Variants in HDAC9 observed in about 807,000 individuals in gnomAD.
HDAC9 encodes the protein histone deacetylase 9.
In HDAC9, 41 loss-of-function variants were observed where a neutral mutation model predicts 139.4. That is an observed-to-expected ratio of 0.29 (90% CI 0.23 to 0.38). HDAC9 has a LOEUF of 0.38. Ranked by LOEUF, HDAC9 falls within the 10% of genes least tolerant of loss-of-function variation. HDAC9 has a pLI of 1.00. For synonymous variants in HDAC9, 517 were observed against 476.2 expected (o/e 1.09, Z -1.12); for missense variants, 1,147 against 1,297.0 (o/e 0.88, Z 1.78).
chr7:18,500,792 C>T (rs775537091), intron 2 of HDAC9, among the ~76,000 whole-genome samples: 4 of 151,862 alleles, frequency 2.6e-5, no homozygotes, highest in Admixed American at 6.6e-5. Context: ...TGGAATTAGA[C>T]GTCTTAGTAT....
chr7:18,614,216 T>C (rs1837969320), intron 6 of HDAC9, among the ~76,000 whole-genome samples: 1 of 152,152 alleles, frequency 6.6e-6, no homozygotes, highest in African/African-American at 2.4e-5. Context: ...TTCAACCTTT[T>C]CATAGACTTC....
intron 22 of HDAC9, among the ~76,000 whole-genome samples, chr7:18,880,039 C>T (rs1799613226): frequency 6.6e-6 from 1 of 151,978 alleles, no homozygotes. Context: ...TATATGCAGC[C>T]AACAAGCATA....
Position 18,623,904 on chromosome 7 carries a change from A to T in HDAC9, c.665-5446A>T, listed in dbSNP as rs1044686105. Among the ~76,000 whole-genome samples, 56 of 152,142 alleles carry T rather than the reference A, an allele frequency of 3.7e-4. 1 individual carries two copies. The highest frequency in any genetic ancestry group is 3.7e-3 in the Admixed American group (56 of 15,280). ...CAGTGAGCCAAGATCACGGCACTGC[A>T]TTCCAGCATGGGCGACAGAGCAAGA... On this transcript the variant is annotated intron_variant, in intron 6 of 25. Transcript: ENST00000686413.
At chr7:18,800,230 A>G (rs561448671) in intron 17 of HDAC9, among the ~76,000 whole-genome samples, 6 of 152,338 alleles carry the variant, frequency 3.9e-5, no homozygotes, top group Non-Finnish European at 5.9e-5. Flanking sequence ...CCATTCACCT[A>G]TCTCTGAATC....
intron 2 of HDAC9, among the ~76,000 whole-genome samples, chr7:18,234,430 G>A (rs932268301): frequency 6.6e-6 from 1 of 152,094 alleles, no homozygotes; most frequent in African/African-American, 2.4e-5. Context: ...TGAACTGACC[G>A]TTTTCCTCAT....
intron 24 of HDAC9, among the ~76,000 whole-genome samples, chr7:18,962,456 T>A (rs1381389640): frequency 6.6e-6 from 1 of 152,108 alleles, no homozygotes; most frequent in Admixed American, 6.5e-5. Flanking sequence ...AATACTAGAA[T>A]GTATCAGAAT....
chr7:18,297,709 T>A (rs1798246131), intron 1 of HDAC9, among the ~76,000 whole-genome samples: 1 of 152,296 alleles, frequency 6.6e-6, no homozygotes, highest in South Asian at 2.1e-4. Context: ...AGTTTAGTCA[T>A]CAGAAGAACC....
chr7:18,424,200 G>A lies in HDAC9; in HGVS notation c.-41-72062G>A, dbSNP rs555342316. Reference sequence around the variant, plus strand: ...CCAAATGTTTACTGTTACACACTTGGCAATCAACTGAGTTATTTTTGAAAA... The same window carrying A: ...CCAAATGTTTACTGTTACACACTTGACAATCAACTGAGTTATTTTTGAAAA... On this transcript the variant is annotated intron_variant, in intron 1 of 3. Coordinates refer to the HDAC9 transcript ENST00000413509. 2.8e-4 allele frequency among the ~76,000 whole-genome samples: 43 copies of A among 152,236 alleles called. No individual in the cohort carries two copies. The South Asian group carries it at 8.3e-3, about 29-fold the overall frequency.
At chr7:18,230,577 T>TA (rs1194808365) in intron 2 of HDAC9, among the ~76,000 whole-genome samples, 1 of 152,194 alleles carries the variant, frequency 6.6e-6, no homozygotes, top group Non-Finnish European at 1.5e-5. Context: ...CTACCAGAAT[T>TA]AAATGTTGTG....
rs188993558 is a variant in HDAC9 at position 18,699,637 on chromosome 7, C to T, written c.1732-27943C>T. On this transcript the variant is annotated intron_variant, in intron 12 of 25. Transcript: ENST00000686413. ...TATAGTGAACACCCTCCCAATTACTCCTAGGAATGTTCATTGTCTGTTATT... is the reference window on the plus strand; with the variant it reads ...TATAGTGAACACCCTCCCAATTACTTCTAGGAATGTTCATTGTCTGTTATT... Among the ~76,000 whole-genome samples the T allele has an allele frequency of 3.3e-5, 5 of 152,132 alleles. No homozygotes were observed. In the East Asian group the frequency reaches 7.7e-4, roughly 24 times the overall value.
At chr7:18,130,607 TC>T (rs1466904436) in intron 1 of HDAC9, among the ~76,000 whole-genome samples, 3 of 152,148 alleles carry the variant, frequency 2.0e-5, no homozygotes, top group Non-Finnish European at 2.9e-5. Context: ...ATCACTACAA[TC>T]AATTTTAGAA....
intron 1 of HDAC9, among the ~76,000 whole-genome samples, chr7:18,355,159 C>G (rs540639925): frequency 1.3e-5 from 2 of 152,256 alleles, no homozygotes; most frequent in South Asian, 4.1e-4. Flanking sequence ...GCTCCAAGTA[C>G]ACTTCTCACC....
intron 2 of HDAC9, among the ~76,000 whole-genome samples, chr7:18,174,006 TG>T (rs1346979453): frequency 6.6e-6 from 1 of 152,214 alleles, no homozygotes; most frequent in African/African-American, 2.4e-5. Flanking sequence ...CTTGTTAGTT[TG>T]GGGAAGTTCT....
chr7:18,760,980 T>C (rs17139840), intron 14 of HDAC9, among the ~76,000 whole-genome samples: 27,992 of 152,210 alleles, frequency 0.18, 2,808 homozygotes, highest in East Asian at 0.4. Context: ...GGTTACCTGG[T>C]GGTTCCTTGG....
intron 7 of HDAC9, among the ~76,000 whole-genome samples, chr7:18,632,282 A>T (rs1782592997): frequency 6.6e-6 from 1 of 152,104 alleles, no homozygotes; most frequent in Non-Finnish European, 1.5e-5. Context: ...GTATTTTATT[A>T]TACTAATAAT....
chr7:18,088,206 T>C (rs1781917507), intron 1 of HDAC9, among the ~76,000 whole-genome samples: 1 of 152,200 alleles, frequency 6.6e-6, no homozygotes, highest in African/African-American at 2.4e-5. Context: ...ATGTGGGGTG[T>C]GTATGTGTGT....
chr7:18,494,674 CA>C (rs1398283622), upstream of HDAC9, among the ~76,000 whole-genome samples: 8 of 151,982 alleles, frequency 5.3e-5, no homozygotes, highest in Non-Finnish European at 1.5e-5. Flanking sequence ...AGCTGAACGC[CA>C]CAATGTGTCT....
In HDAC9 at chr7:18,762,260, A is replaced by C. The variant is rs767825927; in HGVS notation, c.2147A>C (p.Asp716Ala). The change falls in exon 15 of 26, where the codon GAC becomes GCC. Residue 716 changes from aspartate (D) to alanine (A), a missense_variant. Physicochemically the swap from Asp to Ala is moderately radical, Grantham distance 126. Transcript: ENST00000686413. ...GTNPLDGQKL[D>A]PRILLGDDSQ... ...AACCCCCTGGACGGACAGAAGCTGG[A>C]CCCCAGGATACTCCTAGGTCTGTAC... is the stretch of plus-strand genomic sequence containing the variant. 3 of 1,613,486 alleles carry C rather than the reference A, an allele frequency of 1.9e-6. No homozygotes were observed. The Admixed American group carries it at 5.0e-5, about 27-fold the overall frequency.
At chr7:18,661,289 G>A (rs1472660501) in intron 11 of HDAC9, among the ~76,000 whole-genome samples, 1 of 152,084 alleles carries the variant, frequency 6.6e-6, no homozygotes, top group African/African-American at 2.4e-5. Context: ...AGAAAGATTG[G>A]GTGATCAATA....
Sources: allele counts gnomAD v4.1 joint callset (sites outside exome capture counted in the v4.1 genomes callset), GRCh38; gene constraint gnomAD v4.1.1; transcripts MANE v1.5; gene names NCBI Gene and HGNC (gene_info 2026-07-23, HGNC 2026-07-21).